ADPRHL1: variants seen among roughly 807,000 people sequenced by gnomAD.
ADPRHL1 encodes the protein ADP-ribosylhydrolase like 1, also known as inactive ADP-ribosyltransferase ARH2.
A neutral mutation model predicts 44.1 loss-of-function variants in ADPRHL1; 43 were observed. The ratio of observed to expected loss-of-function variants is 0.98; its 90% CI spans 0.76 to 1.26. The LOEUF (loss-of-function observed/expected upper bound fraction) is 1.26, where lower values mean the gene tolerates loss of function less well. Among genes scored for constraint, ADPRHL1 ranks in the 50% most tolerant of loss-of-function variants. The pLI is 0.00. For missense variants in ADPRHL1, 2,022 were observed against 2,496.9 expected (o/e 0.81, Z 4.05); for synonymous variants, 878 against 1,017.4 (o/e 0.86, Z 2.61).
At chr13:113,444,698 C>G in intron 1 of ADPRHL1, 109 bp from the exon 2 acceptor site, 1 of 1,310,646 alleles carries the variant, frequency 7.6e-7, no homozygotes, top group Non-Finnish European at 1.1e-6. Context: ...AGGGCAGACA[C>G]TGCAAACTCT....
intron 1 of ADPRHL1, among the ~76,000 whole-genome samples, chr13:113,452,515 T>C (rs902155810): frequency 6.6e-6 from 1 of 152,196 alleles, no homozygotes. Flanking sequence ...AAATGCCTCG[T>C]AGGAAAGCTG....
At chr13:113,433,437 C>T (rs887597203) in intron 3 of ADPRHL1, among the ~76,000 whole-genome samples, 1 of 152,232 alleles carries the variant, frequency 6.6e-6, no homozygotes, top group Non-Finnish European at 1.5e-5. Flanking sequence ...GTGCTTATCG[C>T]TAATCCTGCT....
intron 2 of ADPRHL1, among the ~76,000 whole-genome samples, chr13:113,440,306 A>T (rs1050074258): frequency 2.6e-5 from 4 of 152,160 alleles, no homozygotes; most frequent in Non-Finnish European, 5.9e-5. Flanking sequence ...TAGGTTTGTT[A>T]TGTCCCCCTG....
intron 7 of ADPRHL1, among the ~76,000 whole-genome samples, chr13:113,420,618 G>C (rs1460517792): frequency 6.6e-6 from 1 of 152,056 alleles, no homozygotes; most frequent in Non-Finnish European, 1.5e-5. Context: ...ATGGACGTGT[G>C]TGACGTGAGG....
rs137900593 is a variant in ADPRHL1, at chr13:113,424,302, G to A, written c.822C>T (p.His274=). The A allele has an allele frequency of 2.0e-4, 322 of 1,612,756 alleles. No individual in the cohort carries two copies. Among genetic ancestry groups the A allele is most frequent in the Admixed American group, 3.2e-4 (19 of 59,984 alleles). ...SSEGRGGRRG[H]DAPMIAYDAL... is the part of the protein sequence containing the mutation. ...CGTCATAGGCTATCATGGGGGCATC[G>A]TGGCCTCGTCTTCCCCCTCGACCTT... Residue 274 remains histidine, a synonymous_variant, in exon 6 of 8, where the codon CAC becomes CAT. Transcript: ENST00000612156.
intron 2 of ADPRHL1, among the ~76,000 whole-genome samples, chr13:113,435,375 A>G (rs1450922112): frequency 7.1e-6 from 1 of 139,938 alleles, no homozygotes; most frequent in African/African-American, 2.8e-5. Context: ...GAGTGAACAT[A>G]GGTGTACCCC....
chr13:113,404,581 C>T lies in ADPRHL1; in HGVS notation c.4701G>A (p.Gln1567=). 1 of 1,296,760 alleles carries T rather than the reference C, an allele frequency of 7.7e-7. No homozygotes were observed. Among genetic ancestry groups the T allele is most frequent in the Non-Finnish European group, 9.7e-7 (1 of 1,026,922 alleles). The allele number at this position is 1,296,760 out of a possible 1,614,324, so 80.3% of individuals were successfully genotyped here. The change falls in exon 8 of 8, where the codon CAG becomes CAA. Residue 1567 remains glutamine (Q), a synonymous_variant. Transcript: ENST00000612156. ...CCCCACCCTGAGCTGGTTCCTGTGC[C>T]TGCCCCTGGGCCTCTATCTGGGTCT... is the stretch of plus-strand genomic sequence containing the variant. ...QWQTQIEAQG[Q]AQEPAQGGAQ... is the part of the protein sequence containing the mutation.
Position 113,409,861 on chromosome 13 carries a change from C to T in ADPRHL1, c.1062-1641G>A, listed in dbSNP as rs1426974229. 1.4e-5 allele frequency: 13 copies of T among 917,578 alleles called. No individual in the cohort carries two copies. In the African/African-American group the frequency reaches 2.6e-4, roughly 18 times the overall value. 56.8% of individuals were successfully genotyped at this position (917,578 alleles called of 1,614,324 possible). A position where few individuals can be genotyped will look rare whatever the true frequency, so the allele number is the denominator to read the frequency against. ...CCGAGATCGCACCACTGCACTCCAG[C>T]CTGAGCGACAGAGCGAGACTCCGTC... On this transcript the variant is annotated intron_variant, in intron 7 of 7. Transcript: ENST00000612156. This position sits in a 1 kb window ranked among gnomAD's most constrained non-coding sequence, Gnocchi z 4.2.
At chr13:113,452,202 CG>C (rs1566485250) in intron 1 of ADPRHL1, among the ~76,000 whole-genome samples, 1 of 152,144 alleles carries the variant, frequency 6.6e-6, no homozygotes, top group African/African-American at 2.4e-5. Flanking sequence ...CACGAGTGGC[CG>C]CCTGGAAAAC....
chr13:113,433,982 CAG>C, intron 2 of ADPRHL1, 115 bp from the exon 3 acceptor site: 1 of 1,397,612 alleles, frequency 7.2e-7, no homozygotes, highest in South Asian at 1.5e-5. Flanking sequence ...AACATGTTAT[CAG>C]AGTGTGGTTT....
Position 113,404,981 on chromosome 13 carries a change from C to A in ADPRHL1, c.4301G>T (p.Gly1434Val). Residue 1434 changes from glycine to valine, a missense_variant, in exon 8 of 8, where the codon GGC becomes GTC. By Grantham distance (109) the Gly-to-Val change is moderately radical. Coordinates refer to ENST00000612156, the MANE Select transcript of ADPRHL1 (RefSeq NM_001394807.1). ...GDKGMAIGVG[G>V]ACQRSDQGQQ... The stretch of plus-strand genomic sequence containing the variant: ...ACCTTGGTCACTGCGCTGGCAGGCG[C>A]CCCCAACCCCAATGGCCATCCCTTT... 8.1e-7 allele frequency: 1 copy of A among 1,234,918 alleles called. No homozygotes were observed. The highest frequency in any genetic ancestry group is 1.0e-6 in the Non-Finnish European group (1 of 990,156). The allele number at this position is 1,234,918 out of a possible 1,614,324, so 76.5% of individuals were successfully genotyped here.
rs56074240 is a variant in ADPRHL1, at chr13:113,445,210, G to A, written c.215-621C>T. Among the ~76,000 whole-genome samples, 477 of 152,366 alleles carry A rather than the reference G, an allele frequency of 3.1e-3. 3 individuals are homozygous for A. Among genetic ancestry groups the A allele is most frequent in the Admixed American group, 5.5e-3 (84 of 15,306 alleles). On this transcript the variant is annotated intron_variant, in intron 1 of 7. Transcript: ENST00000612156. ...CAGACACCAGCCCTATGCCCAGCACGCGGGAGGCCCAGACGTCCTCCCACA... is the reference window on the plus strand; with the variant it reads ...CAGACACCAGCCCTATGCCCAGCACACGGGAGGCCCAGACGTCCTCCCACA...
intron 4 of ADPRHL1, 43 bp downstream of exon 4, chr13:113,428,909 A>G: frequency 6.2e-7 from 1 of 1,609,518 alleles, no homozygotes; most frequent in Admixed American, 1.7e-5. Flanking sequence ...GGATCTGTCC[A>G]GATCTGCTCT....
At position 113,422,912 on chromosome 13, in the gene ADPRHL1, A is replaced by C; in HGVS notation, c.975T>G (p.Val325=). ...LFGLLYGLDL[V]PKGLYQDLED... ...CCAGGTCCTGGTACAAGCCTTTGGGAACGAGGTCCAGGCCGTACAGCAACC... is the reference window on the plus strand; with the variant it reads ...CCAGGTCCTGGTACAAGCCTTTGGGCACGAGGTCCAGGCCGTACAGCAACC... The change falls in exon 7 of 8, where the codon GTT becomes GTG. Residue 325 remains valine (V), a synonymous_variant. Transcript: ENST00000612156. 1.2e-6 allele frequency: 2 copies of C among 1,612,878 alleles called. No homozygotes were observed. Among genetic ancestry groups the C allele is most frequent in the Non-Finnish European group, 1.7e-6 (2 of 1,179,962 alleles).
rs559793322 is a variant in ADPRHL1 at position 113,429,070 on chromosome 13, C to T, written c.528G>A (p.Thr176=). The T allele has an allele frequency of 1.5e-5, 24 of 1,611,906 alleles. No individual in the cohort carries two copies. The highest frequency in any genetic ancestry group is 4.0e-5 in the African/African-American group (3 of 74,976). ...HPTGFLGSLC[T]ALFVSFAAQG... Reference sequence around the variant, plus strand: ...GTGCGGCGAACGACACAAACAGGGCCGTGCACAGGGAGCCCAGGAAGCCTG... The same window carrying T: ...GTGCGGCGAACGACACAAACAGGGCTGTGCACAGGGAGCCCAGGAAGCCTG... Residue 176 remains threonine, a synonymous_variant, in exon 4 of 8, where the codon ACG becomes ACA. Transcript: ENST00000612156.
intron 7 of ADPRHL1, among the ~76,000 whole-genome samples, chr13:113,417,563 A>G (rs545944684): frequency 6.6e-6 from 1 of 151,858 alleles, no homozygotes; most frequent in Non-Finnish European, 1.5e-5. Context: ...ATCAGGCGCT[A>G]TCCCTGCCTT....
At chr13:113,451,226 G>C (rs960171637) in intron 1 of ADPRHL1, among the ~76,000 whole-genome samples, 1 of 152,108 alleles carries the variant, frequency 6.6e-6, no homozygotes, top group Admixed American at 6.5e-5. Flanking sequence ...CATAATATTG[G>C]AATAAAAAGT....
intron 7 of ADPRHL1, among the ~76,000 whole-genome samples, chr13:113,416,433 A>G (rs1432811157): frequency 6.6e-6 from 1 of 152,010 alleles, no homozygotes; most frequent in Non-Finnish European, 1.5e-5. Context: ...TAATGGGGAC[A>G]CTGTCCATCC....
intron 7 of ADPRHL1, among the ~76,000 whole-genome samples, chr13:113,411,787 C>A (rs527851864): frequency 5.9e-5 from 9 of 152,206 alleles, no homozygotes; most frequent in Admixed American, 3.9e-4. Context: ...ACGCCCTTGG[C>A]GGGAGCGAGA....
Sources: allele counts gnomAD v4.1 joint callset (sites outside exome capture counted in the v4.1 genomes callset), GRCh38; gene constraint gnomAD v4.1.1; non-coding constraint Gnocchi (gnomAD v3.1); transcripts MANE v1.5; gene names NCBI Gene and HGNC (gene_info 2026-07-23, HGNC 2026-07-21).